Variants in SRBD1 observed in about 807,000 individuals in gnomAD.
SRBD1 encodes the protein S1 RNA-binding domain-containing protein 1.
SRBD1 carries 88 observed loss-of-function variants against 115.3 expected under a neutral mutation model. The ratio of observed to expected loss-of-function variants is 0.76; its 90% confidence interval spans 0.64 to 0.91. The LOEUF (loss-of-function observed/expected upper bound fraction) is 0.91, where lower values mean the gene tolerates loss of function less well. Ranked by LOEUF, SRBD1 falls within the 40% of genes least tolerant of loss-of-function variation. The pLI is 0.00. For missense variants in SRBD1, 1,385 were observed against 1,177.4 expected (o/e 1.18, Z -2.58); for synonymous variants, 509 against 407.7 (o/e 1.25, Z -2.99).
chr2:45,519,449 C>T (rs1671216243), intron 14 of SRBD1, among the ~76,000 whole-genome samples: 1 of 152,176 alleles, frequency 6.6e-6, no homozygotes, highest in Non-Finnish European at 1.5e-5. Flanking sequence ...CTTACAAGGA[C>T]CCAGGTGCTG....
chr2:45,464,430 A>G (rs558353555), intron 16 of SRBD1, among the ~76,000 whole-genome samples: 38 of 152,364 alleles, frequency 2.5e-4, no homozygotes, highest in South Asian at 1.7e-3. Context: ...TTTTGAAAAG[A>G]CATTTCACGT....
Position 45,605,352 on chromosome 2 carries a change from G to A in SRBD1, c.80+10C>T. 6.2e-7 allele frequency: 1 copy of A among 1,609,222 alleles called. No individual in the cohort carries two copies. The highest frequency in any genetic ancestry group is 8.5e-7 in the Non-Finnish European group (1 of 1,176,904). ...ATTCCCCTACCCACATATTAAACCA[G>A]TATGCTTACAACTCAGAGAATGAAG... On this transcript the variant is annotated intron_variant, in intron 2 of 20. Transcript: ENST00000263736.
At chr2:45,465,833 A>G (rs148791793) in intron 16 of SRBD1, among the ~76,000 whole-genome samples, 179 of 152,314 alleles carry the variant, frequency 1.2e-3, no homozygotes, top group African/African-American at 4.1e-3. Context: ...TTGATTTTAA[A>G]TGAACAAGAA....
chr2:45,488,266 C>A lies in SRBD1; in HGVS notation c.1940G>T (p.Gly647Val), dbSNP rs1425404532. 1 of 1,613,832 alleles carries A rather than the reference C, an allele frequency of 6.2e-7. No homozygotes were observed. The highest frequency in any genetic ancestry group is 1.3e-5 in the African/African-American group (1 of 74,966). Residue 647 changes from glycine (G) to valine (V), a missense_variant, in exon 15 of 21, where the codon GGG (glycine) becomes GTG (valine). Coordinates refer to ENST00000263736, the MANE Select transcript of SRBD1 (RefSeq NM_018079.5). ...VSPEANKEMP[G>V]LDPNLRSAVS... ...TGCACTTCTCAAATTAGGGTCCAGCCCTGGCATCTCTTTGTTAGCTTCAGG... is the reference window on the plus strand; with the variant it reads ...TGCACTTCTCAAATTAGGGTCCAGCACTGGCATCTCTTTGTTAGCTTCAGG...
chr2:45,544,988 A>C (rs1173613693), intron 14 of SRBD1, among the ~76,000 whole-genome samples: 1 of 152,168 alleles, frequency 6.6e-6, no homozygotes, highest in Non-Finnish European at 1.5e-5. Context: ...AATGATTAAA[A>C]CAAAAGATGA....
At chr2:45,511,176 G>A (rs1355774796) in intron 14 of SRBD1, among the ~76,000 whole-genome samples, 3 of 152,106 alleles carry the variant, frequency 2.0e-5, no homozygotes, top group African/African-American at 4.8e-5. Context: ...ATCATTTAAC[G>A]TTTTTCTATT....
At chr2:45,397,293 G>C (rs1045968909) in intron 19 of SRBD1, among the ~76,000 whole-genome samples, 1 of 151,976 alleles carries the variant, frequency 6.6e-6, no homozygotes, top group Non-Finnish European at 1.5e-5. Flanking sequence ...ATCTGTTACT[G>C]TTTCTATATT....
intron 10 of SRBD1, among the ~76,000 whole-genome samples, chr2:45,562,425 G>C (rs909893170): frequency 6.6e-6 from 1 of 151,966 alleles, no homozygotes; most frequent in African/African-American, 2.4e-5. Context: ...GTAGAGACAG[G>C]GTTTCACCAT....
At chr2:45,578,624 C>G (rs2104170423) in intron 7 of SRBD1, among the ~76,000 whole-genome samples, 1 of 152,130 alleles carries the variant, frequency 6.6e-6, no homozygotes, top group South Asian at 2.1e-4. Flanking sequence ...ATTTTGTTAT[C>G]AGAGACTGCC....
At chr2:45,434,048 T>A (rs1668416918) in intron 16 of SRBD1, among the ~76,000 whole-genome samples, 1 of 152,208 alleles carries the variant, frequency 6.6e-6, no homozygotes, top group Admixed American at 6.5e-5. Flanking sequence ...GACATTCTCT[T>A]TGCAAATCCT....
intron 14 of SRBD1, among the ~76,000 whole-genome samples, chr2:45,512,288 G>C (rs1006297326): frequency 6.6e-6 from 1 of 152,104 alleles, no homozygotes; most frequent in Non-Finnish European, 1.5e-5. Flanking sequence ...TACTTCCTTA[G>C]TTTACATACA....
chr2:45,484,507 C>A (rs953034406), intron 15 of SRBD1, among the ~76,000 whole-genome samples: 6 of 152,186 alleles, frequency 3.9e-5, no homozygotes, highest in Admixed American at 2.0e-4. Flanking sequence ...AACAAATCCC[C>A]AGTCTTCTGC....
At chr2:45,545,049 G>A (rs1229494354) in intron 14 of SRBD1, among the ~76,000 whole-genome samples, 2 of 152,006 alleles carry the variant, frequency 1.3e-5, no homozygotes, top group African/African-American at 4.8e-5. Context: ...GGGAGGCTGA[G>A]GCAGGCGGAT....
chr2:45,574,067 T>C (rs1358733198), intron 8 of SRBD1, among the ~76,000 whole-genome samples: 13 of 152,124 alleles, frequency 8.5e-5, no homozygotes. Flanking sequence ...TAATGATGCA[T>C]AAAATCCATA....
At chr2:45,413,391 T>A in intron 18 of SRBD1, 98 bp from the exon 19 acceptor site, 2 of 1,377,834 alleles carry the variant, frequency 1.5e-6, no homozygotes, top group Non-Finnish European at 2.0e-6. Flanking sequence ...CATACAAATA[T>A]GCGAAAACAG....
chr2:45,439,826 C>T lies in SRBD1; in HGVS notation c.2050-19932G>A, dbSNP rs1668606383. 4.0e-5 allele frequency among the ~76,000 whole-genome samples: 6 copies of T among 151,258 alleles called. No homozygotes were observed. The South Asian group carries it at 1.2e-3, about 31-fold the overall frequency. ...AAAGAACCATAAGTAAAAAATACAA[C>T]CTAAGTTTCTAACCTGGTAGGCCAG... On this transcript the variant is annotated intron_variant, in intron 16 of 20. Transcript: ENST00000263736.
At chr2:45,524,760 C>T (rs1671389673) in intron 14 of SRBD1, among the ~76,000 whole-genome samples, 1 of 151,992 alleles carries the variant, frequency 6.6e-6, no homozygotes, top group South Asian at 2.1e-4. Context: ...CATCAGATTT[C>T]CAGTTGATTT....
chr2:45,537,178 T>C (rs2103999028), intron 14 of SRBD1, among the ~76,000 whole-genome samples: 1 of 152,348 alleles, frequency 6.6e-6, no homozygotes, highest in South Asian at 2.1e-4. Flanking sequence ...ATCTGGATAG[T>C]ATGGATAAAG....
intron 14 of SRBD1, among the ~76,000 whole-genome samples, chr2:45,489,181 A>T (rs1670215540): frequency 6.6e-6 from 1 of 152,024 alleles, no homozygotes; most frequent in Non-Finnish European, 1.5e-5. Flanking sequence ...AACATCATCT[A>T]CTCTAAGTAT....
Sources: allele counts gnomAD v4.1 joint callset (sites outside exome capture counted in the v4.1 genomes callset), GRCh38; gene constraint gnomAD v4.1.1; transcripts MANE v1.5; gene names NCBI Gene and HGNC (gene_info 2026-07-23, HGNC 2026-07-21).